The following VASH1 variants were observed in gnomAD, a reference collection of about 807,000 sequenced individuals.
The protein encoded by VASH1 is tubulinyl-Tyr carboxypeptidase 1.
In VASH1, 16 loss-of-function variants were observed where a neutral mutation model predicts 35.0. The ratio of observed to expected loss-of-function variants is 0.46; its 90% CI spans 0.31 to 0.70. The LOEUF is 0.70. Ranked by LOEUF, VASH1 falls within the 30% of genes least tolerant of loss-of-function variation. The pLI is 0.05. For synonymous variants in VASH1, 214 were observed against 200.9 expected (o/e 1.07, Z -0.55); for missense variants, 505 against 510.7 (o/e 0.99, Z 0.11).
Position 76,779,863 on chromosome 14 carries a change from A to C in VASH1, c.*845A>C. On this transcript the variant is annotated 3_prime_UTR_variant, in exon 7 of 7. Coordinates refer to ENST00000167106, the MANE Select transcript of VASH1 (RefSeq NM_014909.5). ...CAGCATGGCTGTGGGAGTTGAGCAA[A>C]CCCTGGGTGCCAGTCCAGGAGCTGT... 3.0e-6 allele frequency: 1 copy of C among 332,656 alleles called. No homozygotes were observed. The highest frequency in any genetic ancestry group is 5.5e-6 in the Non-Finnish European group (1 of 182,266). The allele number at this position is 332,656 out of a possible 1,614,324, so 20.6% of individuals were successfully genotyped here.
chr14:76,778,141 CTT>C (rs1194367789), intron 6 of VASH1, 70 bp downstream of exon 6: 578 of 925,514 alleles, frequency 6.2e-4, no homozygotes, highest in South Asian at 1.1e-3. Flanking sequence ...GTGTGGGTCC[CTT>C]TTTTTTTTTA....
chr14:76,773,106 G>A, intron 3 of VASH1, 31 bp from the exon 4 acceptor site: 3 of 1,610,752 alleles, frequency 1.9e-6, no homozygotes, highest in Non-Finnish European at 2.5e-6. Flanking sequence ...TGGAGGCGCT[G>A]TCCTTACTGA....
Position 76,778,999 on chromosome 14 carries a change from G to T in VASH1, c.1079G>T (p.Gly360Val). The change falls in exon 7 of 7, where the codon GGG becomes GTG. Residue 360 changes from glycine to valine, a missense_variant. By Grantham distance (109) the Gly-to-Val change is moderately radical (BLOSUM62 -3). Transcript: ENST00000167106. ...CCCAAAGCCATGCCAGACCTTAACG[G>T]GTACCAGATCCGGGTCTGAGGCGGA... The part of the protein sequence containing the change: ...SEPKAMPDLN[G>V]YQIRV 3 of 1,614,112 alleles carry T rather than the reference G, an allele frequency of 1.9e-6. No individual in the cohort carries two copies. The highest frequency in any genetic ancestry group is 2.5e-6 in the Non-Finnish European group (3 of 1,180,040).
In VASH1 at chr14:76,762,699, C is replaced by T; in HGVS notation, c.-123C>T. 1 of 820,790 alleles carries T rather than the reference C, an allele frequency of 1.2e-6. No homozygotes were observed. The highest frequency in any genetic ancestry group is 1.8e-6 in the Non-Finnish European group (1 of 561,220). The allele number at this position is 820,790 out of a possible 1,614,324, so 50.8% of individuals were successfully genotyped here. ...GTCGTATTTTATTGTACAGGAGCCACGCCCTGATTTCTTAAAGGCGCCTTG... is the reference window on the plus strand; with the variant it reads ...GTCGTATTTTATTGTACAGGAGCCATGCCCTGATTTCTTAAAGGCGCCTTG... On this transcript the variant is annotated 5_prime_UTR_variant, in exon 1 of 7. It adds an upstream start codon to the 5' untranslated region. Coordinates refer to ENST00000167106, the MANE Select transcript of VASH1 (RefSeq NM_014909.5).
chr14:76,775,371 G>A (rs1370298703), intron 4 of VASH1, among the ~76,000 whole-genome samples: 1 of 152,098 alleles, frequency 6.6e-6, no homozygotes, highest in Non-Finnish European at 1.5e-5. Context: ...GTGGGAGTGG[G>A]CCTGGGGCTG....
chr14:76,766,968 C>T (rs1053631068), intron 1 of VASH1, among the ~76,000 whole-genome samples: 22 of 152,070 alleles, frequency 1.4e-4, no homozygotes, highest in African/African-American at 4.8e-5. Flanking sequence ...ACTAAAGTCA[C>T]GACTAGGCCG....
rs888705748 is a variant in VASH1 at position 76,761,603 on chromosome 14, T to C, written c.-1219T>C. ...CAGCGATCGGCTGGTGGGCTTCTCG[T>C]TGGCGGGCTCCGCGTTGGCGGGCTG... On this transcript the variant is annotated 5_prime_UTR_variant, in exon 1 of 7. Coordinates refer to ENST00000167106, the MANE Select transcript of VASH1 (RefSeq NM_014909.5). 5.9e-5 allele frequency among the ~76,000 whole-genome samples: 9 copies of C among 151,908 alleles called. No homozygotes were observed. The highest frequency in any genetic ancestry group is 5.2e-4 in the Admixed American group (8 of 15,248).
At position 76,778,073 on chromosome 14, in the gene VASH1, TGA is replaced by T. The variant is rs1012412743; in HGVS notation, c.1025+8_1025+9del. On this transcript the variant is annotated splice_donor_region_variant and intron_variant, in intron 6 of 6. Transcript: ENST00000167106. ...CAGGAACAGCCGCAGTGAAAGACGG[TGA>T]GAGAGGGACCACGCCTGGGTGGGTC... is the stretch of plus-strand genomic sequence containing the variant. The T allele has an allele frequency of 1.6e-5, 23 of 1,479,428 alleles. No individual in the cohort carries two copies. Among genetic ancestry groups the T allele is most frequent in the African/African-American group, 5.9e-5 (4 of 68,104 alleles). The allele number at this position is 1,479,428 out of a possible 1,614,324, so 91.6% of individuals were successfully genotyped here.
rs936205997 is a variant in VASH1 at position 76,762,672 on chromosome 14, A to G, written c.-150A>G. The G allele has an allele frequency of 2.3e-5, 14 of 604,928 alleles. No homozygotes were observed. Among genetic ancestry groups the G allele is most frequent in the African/African-American group, 1.7e-4 (9 of 52,388 alleles). The allele number at this position is 604,928 out of a possible 1,614,324, so 37.5% of individuals were successfully genotyped here. A position where few individuals can be genotyped will look rare whatever the true frequency, so the allele number is the denominator to read the frequency against. On this transcript the variant is annotated 5_prime_UTR_variant, in exon 1 of 7. Coordinates refer to ENST00000167106, the MANE Select transcript of VASH1 (RefSeq NM_014909.5). Reference sequence around the variant, plus strand: ...CCTTATTGCACTGATTTTTTTTATCAAGTCGTATTTTATTGTACAGGAGCC... The same window carrying G: ...CCTTATTGCACTGATTTTTTTTATCGAGTCGTATTTTATTGTACAGGAGCC...
chr14:76,765,725 A>G (rs966704068), intron 1 of VASH1, among the ~76,000 whole-genome samples: 3 of 152,328 alleles, frequency 2.0e-5, no homozygotes, highest in Admixed American at 2.0e-4. Flanking sequence ...TCAGAAAATA[A>G]GAAGACTTGG....
In VASH1 at chr14:76,779,320, A is replaced by C; in HGVS notation, c.*302A>C. ...CTGATGGTGGGAAGGCCAGTGCTTA[A>C]CAAATCCATGTGTCATGGGGCCAGG... On this transcript the variant is annotated 3_prime_UTR_variant, in exon 7 of 7. Coordinates refer to ENST00000167106, the MANE Select transcript of VASH1 (RefSeq NM_014909.5). 1 of 702,434 alleles carries C rather than the reference A, an allele frequency of 1.4e-6. No individual in the cohort carries two copies. Among genetic ancestry groups the C allele is most frequent in the East Asian group, 2.7e-5 (1 of 37,294 alleles). 43.5% of individuals were successfully genotyped at this position (702,434 alleles called of 1,614,324 possible). A position where few individuals can be genotyped will look rare whatever the true frequency, so the allele number is the denominator to read the frequency against.
intron 1 of VASH1, among the ~76,000 whole-genome samples, chr14:76,768,006 G>T (rs1027550702): frequency 6.6e-6 from 1 of 152,180 alleles, no homozygotes; most frequent in Non-Finnish European, 1.5e-5. Context: ...CTTGTGGGAG[G>T]GTGTACTACA....
intron 4 of VASH1, chr14:76,774,514 G>T (rs919050842): frequency 5.3e-5 from 8 of 152,212 alleles, no homozygotes; most frequent in Non-Finnish European, 1.2e-4. Flanking sequence ...CTCCAGGCAG[G>T]GTCCTATGGT....
intron 1 of VASH1, among the ~76,000 whole-genome samples, chr14:76,766,122 C>G (rs1893635248): frequency 6.6e-6 from 1 of 152,086 alleles, no homozygotes. Context: ...TAATAGATAC[C>G]CAGTAATGGA....
At chr14:76,765,036 C>A (rs1392006998) in intron 1 of VASH1, among the ~76,000 whole-genome samples, 2 of 152,158 alleles carry the variant, frequency 1.3e-5, no homozygotes, top group African/African-American at 4.8e-5. Flanking sequence ...AGCGGCAAGA[C>A]TGGGTTTTGC....
At position 76,780,714 on chromosome 14, in the gene VASH1, G is replaced by A. The variant is rs1480258524; in HGVS notation, c.*1696G>A. 2.0e-5 allele frequency: 3 copies of A among 152,190 alleles called. No individual in the cohort carries two copies. Among genetic ancestry groups the A allele is most frequent in the African/African-American group, 4.8e-5 (2 of 41,436 alleles). 9.4% of individuals were successfully genotyped at this position (152,190 alleles called of 1,614,324 possible). On this transcript the variant is annotated 3_prime_UTR_variant, in exon 7 of 7. Coordinates refer to ENST00000167106, the MANE Select transcript of VASH1 (RefSeq NM_014909.5). ...AGAGGCCAGAATTCTGACTTTTTAT[G>A]TGAAATAGGATTTTTAAATGCTGGT... is the stretch of plus-strand genomic sequence containing the variant.
At chr14:76,769,213 A>T (rs1893724840) in intron 1 of VASH1, 2 of 1,203,592 alleles carry the variant, frequency 1.7e-6, no homozygotes, top group African/African-American at 3.1e-5. Flanking sequence ...CTCCTCTGCC[A>T]TTTCTGGGCT....
At position 76,776,119 on chromosome 14, in the gene VASH1, T is replaced by C. The variant is rs775323768; in HGVS notation, c.758T>C (p.Val253Ala). 1 of 1,609,700 alleles carries C rather than the reference T, an allele frequency of 6.2e-7. No individual in the cohort carries two copies. Among genetic ancestry groups the C allele is most frequent in the Non-Finnish European group, 8.5e-7 (1 of 1,179,656 alleles). ...GCCGCCTACGGCCGCTGCTGGCACGTGCTCAAGAAGGTGAAGCTGGGCCAG... is the reference window on the plus strand; with the variant it reads ...GCCGCCTACGGCCGCTGCTGGCACGCGCTCAAGAAGGTGAAGCTGGGCCAG... ...FEAAYGRCWH[V>A]LKKVKLGQSV... Residue 253 changes from valine to alanine, a missense_variant, in exon 5 of 7, where the codon GTG (valine) becomes GCG (alanine). Coordinates refer to ENST00000167106, the MANE Select transcript of VASH1 (RefSeq NM_014909.5).
At chr14:76,764,161 T>G (rs1244845165) in intron 1 of VASH1, among the ~76,000 whole-genome samples, 1 of 152,144 alleles carries the variant, frequency 6.6e-6, no homozygotes, top group East Asian at 1.9e-4. Context: ...AGAATGGAAG[T>G]TAGTGTGAAT....
Sources: gnomAD v4.1 joint callset for allele counts (sites outside exome capture counted in the v4.1 genomes callset) on GRCh38, gnomAD v4.1.1 for gene constraint, MANE v1.5 for transcripts, NCBI Gene and HGNC (gene_info 2026-07-23, HGNC 2026-07-21) for gene names.